ZNF324B: variants seen among roughly 807,000 people sequenced by gnomAD.
ZNF324B encodes zinc finger protein 324B.
A neutral mutation model predicts 10.6 loss-of-function variants in ZNF324B; 7 were observed. The ratio of observed to expected loss-of-function variants is 0.66; its 90% CI spans 0.38 to 1.24. The LOEUF is 1.24. Ranked by LOEUF, ZNF324B falls within the 50% of genes most tolerant of loss-of-function variation. The pLI is 0.02. For synonymous variants in ZNF324B, 316 were observed against 321.0 expected (o/e 0.98, Z 0.17); for missense variants, 640 against 764.7 (o/e 0.84, Z 1.92).
the ZNF324B span, chr19:58,442,664 G>C: frequency 6.6e-6 from 1 of 152,318 alleles, no homozygotes; most frequent in South Asian, 2.1e-4. Flanking sequence ...TGGTGGGTTC[G>C]TGGTCTCGCT....
the ZNF324B span, chr19:58,432,230 G>C: frequency 2.0e-6 from 1 of 488,352 alleles, no homozygotes; most frequent in Non-Finnish European, 4.1e-6. Flanking sequence ...GTTCCTACCT[G>C]GGGAGTGATG....
At chr19:58,422,829 A>G in the ZNF324B span, among the ~76,000 whole-genome samples, 1 of 152,204 alleles carries the variant, frequency 6.6e-6, no homozygotes, top group Non-Finnish European at 1.5e-5. Context: ...AACAAATGGA[A>G]AAACATATGC....
chr19:58,450,109 G>A (rs569384606), upstream of ZNF324B, among the ~76,000 whole-genome samples: 9 of 152,220 alleles, frequency 5.9e-5, no homozygotes, highest in South Asian at 2.1e-4. Flanking sequence ...TAAGTCTCAC[G>A]AGATCTGATG....
chr19:58,420,517 C>T, the ZNF324B span, among the ~76,000 whole-genome samples: 2 of 113,126 alleles, frequency 1.8e-5, no homozygotes, highest in African/African-American at 7.3e-5. Flanking sequence ...TCGCTTGAGC[C>T]GAGAAGTTCA....
At chr19:58,431,716 G>T in the ZNF324B span, among the ~76,000 whole-genome samples, 1 of 152,220 alleles carries the variant, frequency 6.6e-6, no homozygotes, top group African/African-American at 2.4e-5. Flanking sequence ...TGCCGGCCAG[G>T]TGCGGTGGCT....
At chr19:58,451,480 G>A (rs1213648063), upstream of ZNF324B, 1 of 357,826 alleles carries the variant, frequency 2.8e-6, no homozygotes, top group South Asian at 1.9e-5. Context: ...GCGCTTAGCC[G>A]TTGCCATGGA....
chr19:58,449,689 C>G (rs12977592), upstream of ZNF324B, among the ~76,000 whole-genome samples: 50,483 of 151,980 alleles, frequency 0.33, 11,553 homozygotes, highest in African/African-American at 0.66. Context: ...TTTCGTGGGG[C>G]CTTTAGCCCC....
the ZNF324B span, chr19:58,445,113 T>C: frequency 3.5e-6 from 1 of 289,418 alleles, no homozygotes; most frequent in African/African-American, 2.3e-5. Context: ...ATATTCAGAG[T>C]TCTGCTTTCA....
At chr19:58,435,007 G>C in the ZNF324B span, 1 of 1,614,166 alleles carries the variant, frequency 6.2e-7, no homozygotes, top group South Asian at 1.1e-5. Context: ...TCTCCCACAT[G>C]CTCCACATGT....
chr19:58,450,352 C>G (rs1240654063), upstream of ZNF324B, among the ~76,000 whole-genome samples: 1 of 151,524 alleles, frequency 6.6e-6, no homozygotes, highest in Non-Finnish European at 1.5e-5. Context: ...GTAGTTCCAG[C>G]TACTTGGGAG....
chr19:58,450,902 A>G (rs2052851138), upstream of ZNF324B, among the ~76,000 whole-genome samples: 1 of 152,248 alleles, frequency 6.6e-6, no homozygotes, highest in African/African-American at 2.4e-5. Flanking sequence ...AAAAAGGAAC[A>G]AAGCATCCAT....
At chr19:58,427,303 C>CT in the ZNF324B span, among the ~76,000 whole-genome samples, 1 of 61,716 alleles carries the variant, frequency 1.6e-5, no homozygotes, top group South Asian at 5.3e-4. Flanking sequence ...TTCTTTCTTT[C>CT]TTTCTTTCTT....
chr19:58,432,394 T>C, the ZNF324B span: 1 of 468,546 alleles, frequency 2.1e-6, no homozygotes, highest in African/African-American at 2.0e-5. Flanking sequence ...TCCCAGTTGA[T>C]GGGGAACTAT....
At chr19:58,425,443 GTCTTCCT>G in the ZNF324B span, among the ~76,000 whole-genome samples, 1 of 144,914 alleles carries the variant, frequency 6.9e-6, no homozygotes, top group African/African-American at 2.5e-5. Flanking sequence ...CTTCCTTCCT[GTCTTCCT>G]TCTTCCTTCC....
the ZNF324B span, chr19:58,434,154 C>T: frequency 1.5e-4 from 236 of 1,611,908 alleles, no homozygotes; most frequent in Middle Eastern, 3.3e-4. Context: ...TGCATTCATA[C>T]GGTCTTTCTC....
chr19:58,433,466 A>G, the ZNF324B span: 2 of 1,612,772 alleles, frequency 1.2e-6, no homozygotes, highest in East Asian at 4.5e-5. Flanking sequence ...GCTTTTCCAC[A>G]CTGGATGCAC....
At chr19:58,424,373 T>C in the ZNF324B span, among the ~76,000 whole-genome samples, 1 of 152,182 alleles carries the variant, frequency 6.6e-6, no homozygotes, top group Non-Finnish European at 1.5e-5. Context: ...ATAACACTTA[T>C]AACTCGATTA....
upstream of ZNF324B, among the ~76,000 whole-genome samples, chr19:58,447,682 A>G (rs565219665): frequency 1.1e-3 from 166 of 152,254 alleles, 1 homozygote; most frequent in Middle Eastern, 0.014. Context: ...CAACCTGAGA[A>G]ACATGGTGAA....
At chr19:58,421,173 C>T in the ZNF324B span, among the ~76,000 whole-genome samples, 2 of 152,048 alleles carry the variant, frequency 1.3e-5, no homozygotes, top group Non-Finnish European at 2.9e-5. Context: ...CGGGGAAGTG[C>T]TTTCAGCGCC....
Sources: gnomAD v4.1 joint callset for allele counts (sites outside exome capture counted in the v4.1 genomes callset) on GRCh38, gnomAD v4.1.1 for gene constraint, MANE v1.5 for transcripts, NCBI Gene and HGNC (gene_info 2026-07-23, HGNC 2026-07-21) for gene names.